The following ACTR3C variants were observed in gnomAD, a reference collection of about 807,000 sequenced individuals.
ACTR3C encodes actin-related protein 3C.
Under a neutral mutation model 26.3 loss-of-function variants are expected in ACTR3C, and 18 were observed. The observed-to-expected ratio is 0.68, with a 90% CI of 0.47 to 1.01. ACTR3C has a LOEUF of 1.01. Ranked by LOEUF, ACTR3C falls within the 50% of genes least tolerant of loss-of-function variation. ACTR3C has a pLI of 0.00. For missense variants in ACTR3C, 184 were observed against 250.7 expected (o/e 0.73, Z 1.80); for synonymous variants, 55 against 94.5 (o/e 0.58, Z 2.42).
chr7:150,250,629 G>A (rs1369333518), intron 6 of ACTR3C, among the ~76,000 whole-genome samples: 20 of 151,982 alleles, frequency 1.3e-4, no homozygotes, highest in Admixed American at 1.3e-3. Flanking sequence ...TGCGAGTGGA[G>A]GGGAGAAGCC....
At chr7:150,082,148 T>C in the ACTR3C span, among the ~76,000 whole-genome samples, 1 of 152,200 alleles carries the variant, frequency 6.6e-6, no homozygotes, top group Non-Finnish European at 1.5e-5. Flanking sequence ...TGTTCCTTCC[T>C]TTCCATATAC....
chr7:150,021,130 T>TA, the ACTR3C span, among the ~76,000 whole-genome samples: 101 of 149,004 alleles, frequency 6.8e-4, no homozygotes, highest in South Asian at 4.2e-3. Context: ...CTTTTTTTTT[T>TA]AAAAAAAATA....
the ACTR3C span, among the ~76,000 whole-genome samples, chr7:150,039,392 G>C: frequency 2.9e-5 from 2 of 69,852 alleles, no homozygotes; most frequent in African/African-American, 9.8e-5. Context: ...CTAAGAACCC[G>C]GGGGGGAAGA....
the ACTR3C span, among the ~76,000 whole-genome samples, chr7:149,975,965 C>G: frequency 2.0e-5 from 3 of 152,150 alleles, no homozygotes; most frequent in African/African-American, 7.2e-5. Flanking sequence ...TTCACCAAAA[C>G]CAAAAGTTGA....
chr7:150,242,583 C>T (rs548662877), downstream of ACTR3C, among the ~76,000 whole-genome samples: 9 of 152,110 alleles, frequency 5.9e-5, no homozygotes, highest in South Asian at 1.9e-3. Context: ...CTACTGGCAT[C>T]GAATGATACC....
At chr7:150,160,344 T>C in the ACTR3C span, among the ~76,000 whole-genome samples, 2 of 152,116 alleles carry the variant, frequency 1.3e-5, no homozygotes, top group African/African-American at 4.8e-5. Flanking sequence ...AGTTTTTATT[T>C]GTACTCAAAA....
chr7:149,882,673 T>C, the ACTR3C span, among the ~76,000 whole-genome samples: 1 of 152,222 alleles, frequency 6.6e-6, no homozygotes, highest in Admixed American at 6.5e-5. Flanking sequence ...CTGTCAAAGA[T>C]AAACTAAGCT....
chr7:150,259,832 C>CT (rs1160931073), intron 6 of ACTR3C, among the ~76,000 whole-genome samples: 7 of 152,208 alleles, frequency 4.6e-5, no homozygotes, highest in Non-Finnish European at 8.8e-5. Flanking sequence ...AGGTTGTGAG[C>CT]TCCCCCATGA....
At chr7:150,146,565 G>A in the ACTR3C span, among the ~76,000 whole-genome samples, 1 of 152,092 alleles carries the variant, frequency 6.6e-6, no homozygotes, top group African/African-American at 2.4e-5. Flanking sequence ...TTTTTCGGCT[G>A]CTCTTCAGCT....
intron 6 of ACTR3C, chr7:150,264,459 A>G: frequency 1.8e-6 from 1 of 541,770 alleles, no homozygotes; most frequent in South Asian, 8.3e-5. Context: ...AAGGAACATC[A>G]TGAGCTCAGA....
the ACTR3C span, chr7:150,004,786 T>C: frequency 6.6e-6 from 1 of 152,226 alleles, no homozygotes; most frequent in East Asian, 1.9e-4. Context: ...CAAATCATAG[T>C]GATGGGCACT....
At chr7:150,122,898 C>G in the ACTR3C span, among the ~76,000 whole-genome samples, 766 of 151,136 alleles carry the variant, frequency 5.1e-3, 7 homozygotes, top group African/African-American at 0.018. Flanking sequence ...CCATGGAATA[C>G]TATGCAGCCA....
chr7:150,302,919 A>G (rs11767298), intron 1 of ACTR3C: 74,948 of 151,804 alleles, frequency 0.49, 19,488 homozygotes, highest in South Asian at 0.65. Flanking sequence ...GCTCCCTAAC[A>G]TGGGTGACAC....
chr7:149,923,267 A>G, the ACTR3C span, among the ~76,000 whole-genome samples: 1 of 152,086 alleles, frequency 6.6e-6, no homozygotes, highest in Admixed American at 6.5e-5. Flanking sequence ...TCATATCAAT[A>G]CATATAAATA....
the ACTR3C span, among the ~76,000 whole-genome samples, chr7:150,169,724 A>C: frequency 6.6e-6 from 1 of 150,944 alleles, no homozygotes; most frequent in Non-Finnish European, 1.5e-5. Context: ...TGAGCTTATT[A>C]TTCTTCCTAT....
At chr7:150,017,736 G>A in the ACTR3C span, among the ~76,000 whole-genome samples, 165 of 149,826 alleles carry the variant, frequency 1.1e-3, 4 homozygotes, top group Non-Finnish European at 2.0e-3. Context: ...GGCCATGCTT[G>A]TTCCTTTCAC....
the ACTR3C span, among the ~76,000 whole-genome samples, chr7:149,909,181 G>A: frequency 6.6e-6 from 1 of 150,982 alleles, no homozygotes; most frequent in Non-Finnish European, 1.5e-5. Flanking sequence ...GGACACTTCT[G>A]TTATTCTCTA....
the ACTR3C span, among the ~76,000 whole-genome samples, chr7:150,209,076 T>A: frequency 2.6e-5 from 4 of 151,920 alleles, no homozygotes; most frequent in African/African-American, 9.7e-5. Context: ...ATAATAAAAA[T>A]AATCCAAAAT....
chr7:150,047,783 C>T, the ACTR3C span: 6 of 1,524,852 alleles, frequency 3.9e-6, no homozygotes, highest in African/African-American at 4.2e-5. Flanking sequence ...GGAGGTGACT[C>T]GCCTCCGGGG....
Sources: allele counts gnomAD v4.1 joint callset (sites outside exome capture counted in the v4.1 genomes callset), GRCh38; gene constraint gnomAD v4.1.1; transcripts MANE v1.5; gene names NCBI Gene and HGNC (gene_info 2026-07-23, HGNC 2026-07-21).